GPC6: variants seen among roughly 807,000 people sequenced by gnomAD.
GPC6 encodes the protein glypican-6.
A neutral mutation model predicts 55.2 loss-of-function variants in GPC6; 14 were observed. That is an observed-to-expected ratio of 0.25 (90% CI 0.17 to 0.40). The LOEUF is 0.40. Among genes scored for constraint, GPC6 ranks in the 10% least tolerant of loss-of-function variants. The probability of loss-of-function intolerance (pLI) is 1.00; values close to 1 mark genes in which losing one functional copy is unlikely to be tolerated. For missense variants in GPC6, 641 were observed against 708.5 expected (o/e 0.90, Z 1.08); for synonymous variants, 278 against 259.6 (o/e 1.07, Z -0.68).
chr13:93,313,257 A>C (rs989679209), intron 1 of GPC6, among the ~76,000 whole-genome samples: 2 of 151,182 alleles, frequency 1.3e-5, no homozygotes, highest in African/African-American at 4.9e-5. Context: ...AACTAATAAA[A>C]TCTTTGAAGC....
chr13:93,267,047 A>G (rs1877347217), intron 1 of GPC6, among the ~76,000 whole-genome samples: 2 of 152,194 alleles, frequency 1.3e-5, no homozygotes, highest in Non-Finnish European at 2.9e-5. Context: ...AATAACTTGT[A>G]AAACCCAAAT....
Position 93,839,085 on chromosome 13 carries a change from A to G in GPC6, c.711+8540A>G, listed in dbSNP as rs534450094. 2.6e-5 allele frequency among the ~76,000 whole-genome samples: 4 copies of G among 152,284 alleles called. No homozygotes were observed. In the East Asian group the frequency reaches 7.7e-4, roughly 29 times the overall value. The stretch of plus-strand genomic sequence containing the variant: ...AGAAATAGACTAATCAATAGCATCA[A>G]CTGTGGCAGATAGTTAAGTGGAAAG... On this transcript the variant is annotated intron_variant, in intron 3 of 8. Coordinates refer to ENST00000377047, the MANE Select transcript of GPC6 (RefSeq NM_005708.5).
intron 2 of GPC6, among the ~76,000 whole-genome samples, chr13:93,753,793 T>C (rs1280505512): frequency 2.6e-5 from 4 of 152,150 alleles, no homozygotes; most frequent in African/African-American, 7.2e-5. Context: ...TTTATTTATT[T>C]GTTTTAAAGA....
At chr13:94,352,241 G>A (rs1039516576) in intron 6 of GPC6, among the ~76,000 whole-genome samples, 1 of 152,022 alleles carries the variant, frequency 6.6e-6, no homozygotes, top group Non-Finnish European at 1.5e-5. Flanking sequence ...TGGGAACAGG[G>A]CTGGTGAGAG....
At chr13:93,328,407 C>A (rs1879729146) in intron 1 of GPC6, among the ~76,000 whole-genome samples, 1 of 152,108 alleles carries the variant, frequency 6.6e-6, no homozygotes, top group Admixed American at 6.6e-5. Flanking sequence ...GGTGCTGTGG[C>A]TCACTCCTGT....
intron 2 of GPC6, among the ~76,000 whole-genome samples, chr13:93,558,367 T>C (rs1334752251): frequency 1.3e-5 from 2 of 152,164 alleles, no homozygotes; most frequent in Non-Finnish European, 2.9e-5. Flanking sequence ...ACTGGAATGC[T>C]GATCGGTACC....
intron 6 of GPC6, among the ~76,000 whole-genome samples, chr13:94,377,453 C>G (rs1879930780): frequency 1.4e-5 from 2 of 146,194 alleles, no homozygotes; most frequent in East Asian, 2.0e-4. Context: ...AAATGCTCAT[C>G]ATCACTGGCC....
chr13:94,200,432 C>T (rs1298671313), intron 4 of GPC6, among the ~76,000 whole-genome samples: 1 of 152,148 alleles, frequency 6.6e-6, no homozygotes, highest in East Asian at 1.9e-4. Context: ...TGCCCTATTG[C>T]CAATGGCTGT....
chr13:93,347,410 A>G (rs1880467984), intron 1 of GPC6, among the ~76,000 whole-genome samples: 1 of 152,198 alleles, frequency 6.6e-6, no homozygotes, highest in Non-Finnish European at 1.5e-5. Context: ...TGTGAAATGC[A>G]TAGCCCTATC....
At chr13:94,255,723 C>T (rs1275741428) in intron 4 of GPC6, among the ~76,000 whole-genome samples, 1 of 152,124 alleles carries the variant, frequency 6.6e-6, no homozygotes, top group East Asian at 1.9e-4. Flanking sequence ...GGACAGAAGC[C>T]TCATCAGCCA....
At chr13:94,368,287 T>C (rs1299441716) in intron 6 of GPC6, among the ~76,000 whole-genome samples, 1 of 152,242 alleles carries the variant, frequency 6.6e-6, no homozygotes, top group South Asian at 2.1e-4. Flanking sequence ...AATAGTGTCT[T>C]GAGGGCTCTG....
chr13:94,219,287 G>T (rs556628471), intron 4 of GPC6, among the ~76,000 whole-genome samples: 3 of 152,066 alleles, frequency 2.0e-5, no homozygotes, highest in Non-Finnish European at 4.4e-5. Context: ...AAATGGAGGC[G>T]AGGACTTCCT....
At chr13:93,998,240 A>G (rs1196759727) in intron 3 of GPC6, among the ~76,000 whole-genome samples, 1 of 152,234 alleles carries the variant, frequency 6.6e-6, no homozygotes, top group Non-Finnish European at 1.5e-5. Flanking sequence ...ACAATAAAAT[A>G]TAGTAAACTA....
chr13:94,175,445 A>G (rs1888714124), intron 4 of GPC6, among the ~76,000 whole-genome samples: 1 of 152,038 alleles, frequency 6.6e-6, no homozygotes, highest in Non-Finnish European at 1.5e-5. Context: ...ATACATTACT[A>G]TTTATCCATT....
chr13:93,360,862 T>TA (rs1199486812), intron 1 of GPC6, among the ~76,000 whole-genome samples: 6 of 152,178 alleles, frequency 3.9e-5, no homozygotes, highest in African/African-American at 1.4e-4. Flanking sequence ...CAGGCAGACT[T>TA]AGAGGCTTCT....
At chr13:93,734,545 T>A (rs1478984658) in intron 2 of GPC6, among the ~76,000 whole-genome samples, 2 of 152,170 alleles carry the variant, frequency 1.3e-5, no homozygotes. Context: ...GGAGTAAGAA[T>A]TTCATTGCTT....
intron 3 of GPC6, among the ~76,000 whole-genome samples, chr13:93,989,388 G>T (rs1446435130): frequency 1.3e-5 from 2 of 152,122 alleles, no homozygotes; most frequent in African/African-American, 4.8e-5. Flanking sequence ...CATAATAAAA[G>T]GAGCAACTAC....
chr13:93,397,212 T>C lies in GPC6; in HGVS notation c.161-148051T>C, dbSNP rs190891769. 9.8e-5 allele frequency among the ~76,000 whole-genome samples: 15 copies of C among 152,360 alleles called. No homozygotes were observed. In the East Asian group the frequency reaches 2.7e-3, roughly 27 times the overall value. ...CCTTATTGAGGTATAATTCACATCCTGTACAGTTCACACATTTGAAGTGGA... is the reference window on the plus strand; with the variant it reads ...CCTTATTGAGGTATAATTCACATCCCGTACAGTTCACACATTTGAAGTGGA... On this transcript the variant is annotated intron_variant, in intron 1 of 8. Coordinates refer to ENST00000377047, the MANE Select transcript of GPC6 (RefSeq NM_005708.5).
At chr13:93,860,824 A>C (rs1388320266) in intron 3 of GPC6, among the ~76,000 whole-genome samples, 3 of 151,726 alleles carry the variant, frequency 2.0e-5, no homozygotes, top group Non-Finnish European at 4.4e-5. Context: ...AATAACTATT[A>C]TATAACAGCA....
Sources: gnomAD v4.1 joint callset for allele counts (sites outside exome capture counted in the v4.1 genomes callset) on GRCh38, gnomAD v4.1.1 for gene constraint, MANE v1.5 for transcripts, NCBI Gene and HGNC (gene_info 2026-07-23, HGNC 2026-07-21) for gene names.